Variants in CNOT3 observed in about 807,000 individuals in gnomAD.
CNOT3 encodes the protein CCR4-NOT transcription complex subunit 3, also known as CCR4-associated factor 3.
A neutral mutation model predicts 89.4 loss-of-function variants in CNOT3; 2 were observed. That is an observed-to-expected ratio of 0.02 (90% CI 0.01 to 0.07). The LOEUF (loss-of-function observed/expected upper bound fraction) is 0.07. Ranked by LOEUF, CNOT3 falls within the 10% of genes least tolerant of loss-of-function variation. The pLI, the probability that CNOT3 is intolerant of heterozygous loss-of-function variation, is 1.00. For synonymous variants in CNOT3, 486 were observed against 402.0 expected (o/e 1.21, Z -2.50); for missense variants, 664 against 1,010.2 (o/e 0.66, Z 4.65).
At chr19:54,150,667 C>T (rs1056753967) in intron 13 of CNOT3, among the ~76,000 whole-genome samples, 2 of 107,506 alleles carry the variant, frequency 1.9e-5, no homozygotes, top group Non-Finnish European at 2.2e-5. Flanking sequence ...ATTGTCCTTT[C>T]TGTGCCTTCA....
Position 54,155,622 on chromosome 19 carries a change from A to C in CNOT3, c.*215A>C. 1.6e-6 allele frequency: 2 copies of C among 1,286,004 alleles called. No individual in the cohort carries two copies. The highest frequency in any genetic ancestry group is 2.1e-6 in the Non-Finnish European group (2 of 935,696). The allele number at this position is 1,286,004 out of a possible 1,614,324, so 79.7% of individuals were successfully genotyped here. On this transcript the variant is annotated 3_prime_UTR_variant, in exon 18 of 18. Coordinates refer to ENST00000221232, the MANE Select transcript of CNOT3 (RefSeq NM_014516.4). The stretch of plus-strand genomic sequence containing the variant: ...CCTCCTCCCCTCCCCAGTGAGGGAC[A>C]TTTTTTGGTAAACCTATTTTCATTT...
chr19:54,138,458 G>T (rs2074310357), intron 1 of CNOT3, among the ~76,000 whole-genome samples: 1 of 152,176 alleles, frequency 6.6e-6, no homozygotes, highest in East Asian at 1.9e-4. Flanking sequence ...GGTCCTTCGC[G>T]TTGTGGGGCA....
intron 2 of CNOT3, 50 bp from the exon 3 acceptor site, chr19:54,143,069 A>C: frequency 6.2e-7 from 1 of 1,612,764 alleles, no homozygotes; most frequent in African/African-American, 1.3e-5. Flanking sequence ...TGCTCTTTAG[A>C]TACCTGCCAC....
intron 13 of CNOT3, 76 bp from the exon 14 acceptor site, chr19:54,152,150 C>A: frequency 6.6e-7 from 1 of 1,507,822 alleles, no homozygotes; most frequent in Non-Finnish European, 9.2e-7. Flanking sequence ...CAGGTGAGAG[C>A]ATCTGGGGCC....
chr19:54,155,639 T>G lies in CNOT3; in HGVS notation c.*232T>G, dbSNP rs2075363110. 1.4e-5 allele frequency: 19 copies of G among 1,372,684 alleles called. No individual in the cohort carries two copies. 85.0% of individuals were successfully genotyped at this position (1,372,684 alleles called of 1,614,324 possible). ...TGAGGGACATTTTTTGGTAAACCTA[T>G]TTTCATTTTGGAAAATATTTATGAA... On this transcript the variant is annotated 3_prime_UTR_variant, in exon 18 of 18. Coordinates refer to ENST00000221232, the MANE Select transcript of CNOT3 (RefSeq NM_014516.4).
rs1208907258 is a variant in CNOT3, at chr19:54,155,538, G to A, written c.*131G>A. On this transcript the variant is annotated 3_prime_UTR_variant, in exon 18 of 18. Coordinates refer to ENST00000221232, the MANE Select transcript of CNOT3 (RefSeq NM_014516.4). Reference sequence around the variant, plus strand: ...ATCCCCCTCTCCCAGGAAGCAGGGAGGGGGCCGGGAGGTTTTCCTCTCAGC... The same window carrying A: ...ATCCCCCTCTCCCAGGAAGCAGGGAAGGGGCCGGGAGGTTTTCCTCTCAGC... The A allele has an allele frequency of 7.7e-6, 7 of 911,262 alleles. No individual in the cohort carries two copies. The highest frequency in any genetic ancestry group is 3.4e-4 in the Middle Eastern group (1 of 2,910). 56.4% of individuals were successfully genotyped at this position (911,262 alleles called of 1,614,324 possible).
In CNOT3 at chr19:54,152,604, C is replaced by T. The variant is rs2075181131; in HGVS notation, c.1882C>T (p.Pro628Ser). 6.2e-7 allele frequency: 1 copy of T among 1,613,194 alleles called. No homozygotes were observed. Among genetic ancestry groups the T allele is most frequent in the Non-Finnish European group, 8.5e-7 (1 of 1,179,630 alleles). The stretch of plus-strand genomic sequence containing the variant: ...GGCCGCCTGGCACCACATGCCTCAC[C>T]CCTCTGACTCTGAGCGTATTCGGTG... ...EEAAWHHMPH[P>S]SDSERIRQYL... Residue 628 changes from proline to serine, a missense_variant, in exon 15 of 18, where the codon CCC becomes TCC. Around this residue, in one of 8 missense-constraint regions of CNOT3, gnomAD observed 545 missense variants for 566.2 expected, o/e 0.96. Transcript: ENST00000221232.
At position 54,144,311 on chromosome 19, in the gene CNOT3, C is replaced by A; in HGVS notation, c.462C>A (p.Arg154=). The change falls in exon 7 of 18, where the codon CGC becomes CGA. Residue 154 remains arginine, a synonymous_variant. Coordinates refer to ENST00000221232, the MANE Select transcript of CNOT3 (RefSeq NM_014516.4). This position sits in a 1 kb window ranked among gnomAD's most constrained non-coding sequence, Gnocchi z 4.8. ...SEVESLSVQT[R]KKKGDKDKQD... The stretch of plus-strand genomic sequence containing the variant: ...TGGAGTCACTGTCAGTGCAGACACG[C>A]AAGAAGAAGGGCGACAAGGATGTGA... 1 of 1,613,766 alleles carries A rather than the reference C, an allele frequency of 6.2e-7. No homozygotes were observed. Among genetic ancestry groups the A allele is most frequent in the East Asian group, 2.2e-5 (1 of 44,872 alleles).
intron 3 of CNOT3, 42 bp from the exon 4 acceptor site, chr19:54,143,400 A>T: frequency 5.7e-6 from 9 of 1,581,014 alleles, no homozygotes; most frequent in Non-Finnish European, 7.8e-6. Flanking sequence ...GTACTGGGAC[A>T]TCCCCTCCCA....
intron 1 of CNOT3, chr19:54,141,367 A>G (rs1056230203): frequency 7.2e-5 from 11 of 152,032 alleles, no homozygotes; most frequent in African/African-American, 2.7e-4. Context: ...ACCTATTATC[A>G]CCCAGAATGG....
At chr19:54,138,111 C>T (rs1280874474) in intron 1 of CNOT3, 118 bp downstream of exon 1, 1 of 152,016 alleles carries the variant, frequency 6.6e-6, no homozygotes, top group African/African-American at 2.4e-5. Context: ...GACATGGCCT[C>T]CCCTCGCCTG....
Position 54,152,441 on chromosome 19 carries a change from C to T in CNOT3, c.1719C>T (p.Ser573=). The T allele has an allele frequency of 6.2e-7, 1 of 1,614,208 alleles. No homozygotes were observed. The highest frequency in any genetic ancestry group is 8.5e-7 in the Non-Finnish European group (1 of 1,180,016). Residue 573 remains serine, a synonymous_variant, in exon 15 of 18, where the codon AGC becomes AGT. Transcript: ENST00000221232. The stretch of plus-strand genomic sequence containing the variant: ...CCCTCCCCACAGACATCATCCTGAG[C>T]AGTACATCAGCACCTCCGGCCTCAG... ...LHLTERDIIL[S]STSAPPASAQ...
At position 54,148,444 on chromosome 19, in the gene CNOT3, A is replaced by T. The variant is rs756758337; in HGVS notation, c.1191A>T (p.Gly397=). 6.4e-7 allele frequency: 1 copy of T among 1,566,820 alleles called. No homozygotes were observed. Among genetic ancestry groups the T allele is most frequent in the Non-Finnish European group, 8.7e-7 (1 of 1,154,196 alleles). ...GGCCCCCCAGCGTCCAGCCTAGCGG[A>T]GGCGGAGGCGGCGGCAGCGGAGGCG... is the stretch of plus-strand genomic sequence containing the variant. The part of the protein sequence containing the change: ...QPRPPSVQPS[G]GGGGGSGGGG... Residue 397 remains glycine (G), a synonymous_variant, in exon 11 of 18, where the codon GGA becomes GGT. Transcript: ENST00000221232. This position sits in a 1 kb window ranked among gnomAD's most constrained non-coding sequence, Gnocchi z 6.3.
Position 54,152,344 on chromosome 19 carries a change from T to TG in CNOT3, c.1705+23dup, listed in dbSNP as rs1397796358. 6.2e-7 allele frequency: 1 copy of TG among 1,613,916 alleles called. No homozygotes were observed. Among genetic ancestry groups the TG allele is most frequent in the Non-Finnish European group, 8.5e-7 (1 of 1,179,988 alleles). On this transcript the variant is annotated intron_variant, in intron 14 of 17. Transcript: ENST00000221232. ...GAGCGAGGTGAGGGACCCAGGATGG[T>TG]GGGGAAGCAGCGGGCCAAAGAGGAG...
rs1022423540 is a variant in CNOT3, at chr19:54,155,542, G to A, written c.*135G>A. 2 of 908,876 alleles carry A rather than the reference G, an allele frequency of 2.2e-6. No homozygotes were observed. Among genetic ancestry groups the A allele is most frequent in the Non-Finnish European group, 1.6e-6 (1 of 609,012 alleles). The allele number at this position is 908,876 out of a possible 1,614,324, so 56.3% of individuals were successfully genotyped here. A position where few individuals can be genotyped will look rare whatever the true frequency, so the allele number is the denominator to read the frequency against. On this transcript the variant is annotated 3_prime_UTR_variant, in exon 18 of 18. Coordinates refer to ENST00000221232, the MANE Select transcript of CNOT3 (RefSeq NM_014516.4). Reference sequence around the variant, plus strand: ...CCCTCTCCCAGGAAGCAGGGAGGGGGCCGGGAGGTTTTCCTCTCAGCCCCA... The same window carrying A: ...CCCTCTCCCAGGAAGCAGGGAGGGGACCGGGAGGTTTTCCTCTCAGCCCCA...
Position 54,148,081 on chromosome 19 carries a change from GGT to G in CNOT3, c.895-65_895-64del. The G allele has an allele frequency of 8.1e-7, 1 of 1,240,848 alleles. No individual in the cohort carries two copies. The highest frequency in any genetic ancestry group is 1.9e-5 in the South Asian group (1 of 53,386). 76.9% of individuals were successfully genotyped at this position (1,240,848 alleles called of 1,614,324 possible). A position where few individuals can be genotyped will look rare whatever the true frequency, so the allele number is the denominator to read the frequency against. On this transcript the variant is annotated intron_variant, in intron 10 of 17. Coordinates refer to ENST00000221232, the MANE Select transcript of CNOT3 (RefSeq NM_014516.4). The surrounding 1 kb of genome is among the most constrained non-coding windows in gnomAD (Gnocchi z 6.3). Reference sequence around the variant, plus strand: ...CTGCTGGGACAAAGATGGAGCCTGAGGTGGGGGTGGTGAGGGAGACCAGCTGG... The same window carrying G: ...CTGCTGGGACAAAGATGGAGCCTGAGGGGGGTGGTGAGGGAGACCAGCTGG...
chr19:54,145,558 G>A lies in CNOT3; in HGVS notation c.484-40G>A. On this transcript the variant is annotated intron_variant, in intron 7 of 17. Transcript: ENST00000221232. The surrounding 1 kb of genome is among the most constrained non-coding windows in gnomAD (Gnocchi z 5.9). ...TGGGGGCAGGAGGGGCCAAGCAGGT[G>A]CTCTGCAGCCCCTGAGCCTGGCCCT... is the stretch of plus-strand genomic sequence containing the variant. The A allele has an allele frequency of 6.9e-7, 1 of 1,445,736 alleles. No individual in the cohort carries two copies. Among genetic ancestry groups the A allele is most frequent in the Non-Finnish European group, 9.7e-7 (1 of 1,030,800 alleles). 89.6% of individuals were successfully genotyped at this position (1,445,736 alleles called of 1,614,324 possible). A position where few individuals can be genotyped will look rare whatever the true frequency, so the allele number is the denominator to read the frequency against.
intron 10 of CNOT3, among the ~76,000 whole-genome samples, chr19:54,147,432 G>A (rs2074741566): frequency 6.6e-6 from 1 of 152,190 alleles, no homozygotes; most frequent in Admixed American, 6.5e-5. Context: ...ACTGAGGCAG[G>A]TACTCCAGGG....
At position 54,148,718 on chromosome 19, in the gene CNOT3, C is replaced by T. The variant is rs780247874; in HGVS notation, c.1381C>T (p.Pro461Ser). The change falls in exon 12 of 18, where the codon CCC becomes TCC. Residue 461 changes from proline to serine, a missense_variant. Coordinates refer to ENST00000221232, the MANE Select transcript of CNOT3 (RefSeq NM_014516.4). This position sits in a 1 kb window ranked among gnomAD's most constrained non-coding sequence, Gnocchi z 6.3. Reference protein sequence around the residue: ...SSQALGPPSGPHNPPPSTSKE... With the variant: ...SSQALGPPSGSHNPPPSTSKE... ...CCAGGCCTTGGGCCCCCCTTCCGGC[C>T]CCCACAACCCACCTCCCAGCACCTC... 3.6e-5 allele frequency: 58 copies of T among 1,611,760 alleles called. No homozygotes were observed. Among genetic ancestry groups the T allele is most frequent in the Non-Finnish European group, 4.9e-5 (58 of 1,179,348 alleles).
Sources: allele counts gnomAD v4.1 joint callset (sites outside exome capture counted in the v4.1 genomes callset), GRCh38; gene constraint gnomAD v4.1.1; regional missense constraint gnomAD v4.1.1; non-coding constraint Gnocchi (gnomAD v3.1); transcripts MANE v1.5; gene names NCBI Gene and HGNC (gene_info 2026-07-23, HGNC 2026-07-21).